FKBP5: variants seen among roughly 807,000 people sequenced by gnomAD.
FKBP5 encodes peptidyl-prolyl cis-trans isomerase FKBP5.
FKBP5 carries 23 observed loss-of-function variants against 50.5 expected under a neutral mutation model. That is an observed-to-expected ratio of 0.46 (90% confidence interval 0.33 to 0.65). The LOEUF (loss-of-function observed/expected upper bound fraction) is 0.65, where lower values mean the gene tolerates loss of function less well. Among genes scored for constraint, FKBP5 ranks in the 30% least tolerant of loss-of-function variants. The pLI, the probability that FKBP5 is intolerant of heterozygous loss-of-function variation, is 0.02. For synonymous variants in FKBP5, 176 were observed against 190.6 expected (o/e 0.92, Z 0.63); for missense variants, 411 against 553.1 (o/e 0.74, Z 2.58).
At chr6:35,675,255 ACC>A (rs1765494870) in intron 1 of FKBP5, among the ~76,000 whole-genome samples, 1 of 152,236 alleles carries the variant, frequency 6.6e-6, no homozygotes, top group Non-Finnish European at 1.5e-5. Flanking sequence ...ACGAGTCTAT[ACC>A]ATACTCTAGG....
In FKBP5 at chr6:35,580,193, T is replaced by G. The variant is rs749190760; in HGVS notation, c.869A>C (p.Gln290Pro). Residue 290 changes from glutamine (Q) to proline (P), a missense_variant, in exon 9 of 11, where the codon CAG (glutamine) becomes CCG (proline). Coordinates refer to ENST00000357266, the MANE Select transcript of FKBP5 (RefSeq NM_004117.4). ...TAACCAGGACACTATCTTCCCATAC[T>G]GAATCACCGCCTGCATGTATTTGCC... Reference protein sequence around the residue: ...KGGKYMQAVIQYGKIVSWLEM... With the variant: ...KGGKYMQAVIPYGKIVSWLEM... 5 of 1,613,752 alleles carry G rather than the reference T, an allele frequency of 3.1e-6. No homozygotes were observed. Among genetic ancestry groups the G allele is most frequent in the Non-Finnish European group, 2.5e-6 (3 of 1,179,794 alleles).
At chr6:35,679,237 TAA>T (rs1178484327) in intron 1 of FKBP5, among the ~76,000 whole-genome samples, 1 of 152,248 alleles carries the variant, frequency 6.6e-6, no homozygotes. Context: ...ACTTTCATAA[TAA>T]AAAGTCTAAA....
At chr6:35,715,689 C>A (rs760039503) in intron 2 of FKBP5, among the ~76,000 whole-genome samples, 2 of 152,174 alleles carry the variant, frequency 1.3e-5, no homozygotes, top group African/African-American at 4.8e-5. Context: ...GGGCAGGCTG[C>A]GAGTTGCATG....
At chr6:35,657,555 T>C (rs147082265) in intron 1 of FKBP5, among the ~76,000 whole-genome samples, 163 of 152,366 alleles carry the variant, frequency 1.1e-3, no homozygotes, top group African/African-American at 3.7e-3. Flanking sequence ...CGTGATTAAG[T>C]TGAGCCCACC....
intron 5 of FKBP5, among the ~76,000 whole-genome samples, chr6:35,614,020 T>G (rs944024123): frequency 1.7e-4 from 26 of 152,286 alleles, no homozygotes; most frequent in African/African-American, 6.3e-4. Flanking sequence ...CTCAGTCTTC[T>G]GGGTAGCTGG....
chr6:35,671,013 C>T (rs1013507831), intron 1 of FKBP5, among the ~76,000 whole-genome samples: 2 of 152,036 alleles, frequency 1.3e-5, no homozygotes, highest in African/African-American at 4.8e-5. Context: ...AATCCCAGCA[C>T]TTTCTGAGGC....
At chr6:35,711,013 G>A (rs975767254) in intron 2 of FKBP5, among the ~76,000 whole-genome samples, 16 of 152,112 alleles carry the variant, frequency 1.1e-4, no homozygotes, top group East Asian at 1.9e-4. Context: ...GCCAGGTAGC[G>A]ATTGATTGCA....
intron 1 of FKBP5, among the ~76,000 whole-genome samples, chr6:35,723,224 C>T (rs184078364): frequency 1.3e-5 from 2 of 151,924 alleles, no homozygotes; most frequent in Admixed American, 6.6e-5. Flanking sequence ...CAGAGCGAGA[C>T]TCCATCTCAA....
intron 2 of FKBP5, among the ~76,000 whole-genome samples, chr6:35,701,355 T>G (rs377122955): frequency 0.036 from 5,341 of 148,684 alleles, 315 homozygotes; most frequent in African/African-American, 0.12. Context: ...GCCATTCTCC[T>G]GCCTCAGCCT....
chr6:35,652,095 T>A (rs1042427427), intron 1 of FKBP5: 1 of 169,852 alleles, frequency 5.9e-6, no homozygotes, highest in Non-Finnish European at 1.3e-5. Context: ...TAAACATAAA[T>A]TGTAAAGATT....
At chr6:35,578,873 A>G (rs1204096294) in intron 9 of FKBP5, among the ~76,000 whole-genome samples, 1 of 152,146 alleles carries the variant, frequency 6.6e-6, no homozygotes, top group African/African-American at 2.4e-5. Context: ...AGACAGAAAA[A>G]TAATGTAGTC....
chr6:35,714,745 A>C (rs572579277), intron 2 of FKBP5, among the ~76,000 whole-genome samples: 1 of 149,010 alleles, frequency 6.7e-6, no homozygotes, highest in South Asian at 2.2e-4. Context: ...TGAACCTGGG[A>C]GATGGAGGTT....
rs570899932 is a variant in FKBP5, at chr6:35,677,325, G to C, written c.-20+11479C>G. Among the ~76,000 whole-genome samples, 163 of 152,028 alleles carry C rather than the reference G, an allele frequency of 1.1e-3. 1 individual carries two copies. Among genetic ancestry groups the C allele is most frequent in the African/African-American group, 3.7e-3 (153 of 41,438 alleles). ...CCTGACCTTGTGATCCGCCCGCCTCGGCCTCCCAAAGTGCTGGGATTACAG... is the reference window on the plus strand; with the variant it reads ...CCTGACCTTGTGATCCGCCCGCCTCCGCCTCCCAAAGTGCTGGGATTACAG... On this transcript the variant is annotated intron_variant, in intron 1 of 10. Coordinates refer to ENST00000357266, the MANE Select transcript of FKBP5 (RefSeq NM_004117.4).
chr6:35,709,869 C>A (rs1766384192), intron 2 of FKBP5, among the ~76,000 whole-genome samples: 1 of 101,096 alleles, frequency 9.9e-6, no homozygotes, highest in Non-Finnish European at 2.0e-5. Flanking sequence ...TAAAGCACTG[C>A]TTTTAGGTAA....
chr6:35,583,520 G>C, intron 8 of FKBP5: 1 of 985,402 alleles, frequency 1.0e-6, no homozygotes. Context: ...TTAGCGAAAA[G>C]TCTGTCTTGT....
chr6:35,721,761 G>A (rs952784423), intron 1 of FKBP5, among the ~76,000 whole-genome samples: 5 of 152,242 alleles, frequency 3.3e-5, no homozygotes, highest in Non-Finnish European at 7.3e-5. Flanking sequence ...GCCGACAATA[G>A]TGGCTTTACA....
At chr6:35,722,807 G>A (rs1477409832) in intron 1 of FKBP5, among the ~76,000 whole-genome samples, 3 of 152,200 alleles carry the variant, frequency 2.0e-5, no homozygotes, top group African/African-American at 4.8e-5. Flanking sequence ...ATAATGATCC[G>A]TTTTTGTGCA....
intron 8 of FKBP5, chr6:35,583,876 T>C (rs1762520290): frequency 1.0e-6 from 1 of 985,272 alleles, no homozygotes; most frequent in South Asian, 4.7e-5. Flanking sequence ...ATTACTGGTA[T>C]CTTGGAACAG....
intron 1 of FKBP5, chr6:35,688,596 C>T (rs1765906385): frequency 1.3e-5 from 2 of 150,874 alleles, no homozygotes; most frequent in Non-Finnish European, 3.0e-5. Context: ...CGGCGAGGGG[C>T]GCCGCAGTGG....
Sources: allele counts gnomAD v4.1 joint callset (sites outside exome capture counted in the v4.1 genomes callset), GRCh38; gene constraint gnomAD v4.1.1; transcripts MANE v1.5; gene names NCBI Gene and HGNC (gene_info 2026-07-23, HGNC 2026-07-21).